The following PLEKHA6 variants were observed in gnomAD, a reference collection of about 807,000 sequenced individuals.
PLEKHA6 encodes pleckstrin homology domain containing A6.
In PLEKHA6, 60 loss-of-function variants were observed where a neutral mutation model predicts 116.7. The ratio of observed to expected loss-of-function variants is 0.51; its 90% CI spans 0.42 to 0.64. The LOEUF is 0.64. PLEKHA6 is among the 30% of genes least tolerant of loss of function. PLEKHA6 has a pLI of 0.00. For synonymous variants in PLEKHA6, 489 were observed against 556.1 expected (o/e 0.88, Z 1.70); for missense variants, 1,338 against 1,422.7 (o/e 0.94, Z 0.96).
chr1:204,371,778 C>T (rs1013348371), intron 1 of PLEKHA6, among the ~76,000 whole-genome samples: 4 of 152,224 alleles, frequency 2.6e-5, no homozygotes, highest in Non-Finnish European at 5.9e-5. Context: ...ACTAAGCACA[C>T]TCTGAGGATT....
At chr1:204,296,048 GC>G (rs141730861) in intron 1 of PLEKHA6, among the ~76,000 whole-genome samples, 2,377 of 152,302 alleles carry the variant, frequency 0.016, 20 homozygotes, top group Middle Eastern at 0.041. Context: ...CCAAGGAAGG[GC>G]ATATGTGTCA....
chr1:204,363,149 C>A (rs1169373292), upstream of PLEKHA6, among the ~76,000 whole-genome samples: 1 of 152,230 alleles, frequency 6.6e-6, no homozygotes, highest in Admixed American at 6.5e-5. Flanking sequence ...CCCCGCCCCT[C>A]CCAGGGCCCC....
intron 1 of PLEKHA6, among the ~76,000 whole-genome samples, chr1:204,340,206 A>AG (rs902479838): frequency 6.6e-6 from 1 of 152,140 alleles, no homozygotes; most frequent in African/African-American, 2.4e-5. Context: ...AGTGAGTGGG[A>AG]GGGGGGTGTG....
chr1:204,281,573 G>A (rs1343421473), intron 1 of PLEKHA6, among the ~76,000 whole-genome samples: 1 of 151,924 alleles, frequency 6.6e-6, no homozygotes, highest in South Asian at 2.1e-4. Flanking sequence ...AAAAACAACA[G>A]AGCAAGACCC....
At position 204,274,753 on chromosome 1, in the gene PLEKHA6, T is replaced by C; in HGVS notation, c.-38A>G. The C allele has an allele frequency of 1.0e-6, 1 of 985,920 alleles. No homozygotes were observed. Among genetic ancestry groups the C allele is most frequent in the Non-Finnish European group, 1.2e-6 (1 of 829,976 alleles). 61.1% of individuals were successfully genotyped at this position (985,920 alleles called of 1,614,324 possible). A position where few individuals can be genotyped will look rare whatever the true frequency, so the allele number is the denominator to read the frequency against. ...CATTTTCAAGTCAAATTTTTTGTTT[T>C]CCTCTGGGACCTGGCCAGTCACTGG... On this transcript the variant is annotated 5_prime_UTR_variant, in exon 2 of 23. Coordinates refer to ENST00000272203, the MANE Select transcript of PLEKHA6 (RefSeq NM_014935.5).
chr1:204,289,295 G>C (rs1669509654), intron 1 of PLEKHA6, among the ~76,000 whole-genome samples: 1 of 152,122 alleles, frequency 6.6e-6, no homozygotes, highest in African/African-American at 2.4e-5. Flanking sequence ...GGGATATACA[G>C]AGAATACAAG....
intron 1 of PLEKHA6, among the ~76,000 whole-genome samples, chr1:204,335,300 G>T (rs1282602815): frequency 6.6e-6 from 1 of 152,066 alleles, no homozygotes; most frequent in African/African-American, 2.4e-5. Context: ...AGCTGGGCAG[G>T]GGGGTGTTTA....
At chr1:204,335,419 G>A (rs1387712055) in intron 1 of PLEKHA6, among the ~76,000 whole-genome samples, 1 of 152,072 alleles carries the variant, frequency 6.6e-6, no homozygotes, top group African/African-American at 2.4e-5. Context: ...GAAAGGCCCT[G>A]GAGAAGGCCC....
At chr1:204,288,352 C>A (rs767978548) in intron 1 of PLEKHA6, among the ~76,000 whole-genome samples, 34 of 152,358 alleles carry the variant, frequency 2.2e-4, no homozygotes, top group Middle Eastern at 3.4e-3. Flanking sequence ...TTGATGCCAT[C>A]CACCTGAGTA....
At chr1:204,318,101 T>C (rs1671926883) in intron 1 of PLEKHA6, among the ~76,000 whole-genome samples, 3 of 152,174 alleles carry the variant, frequency 2.0e-5, no homozygotes, top group Admixed American at 1.3e-4. Flanking sequence ...GGGAAAAAAC[T>C]GAAAGTCACT....
intron 1 of PLEKHA6, among the ~76,000 whole-genome samples, chr1:204,351,187 G>C (rs1002583886): frequency 6.6e-6 from 1 of 152,316 alleles, no homozygotes; most frequent in Non-Finnish European, 1.5e-5. Context: ...GCCCAGGCAG[G>C]GGGAGTGGGG....
intron 12 of PLEKHA6, 149 bp from the exon 13 acceptor site, chr1:204,247,609 G>A (rs1017398663): frequency 9.6e-5 from 55 of 572,392 alleles, no homozygotes; most frequent in Non-Finnish European, 1.7e-4. Context: ...GCACCAGGCT[G>A]AGACATTCTG....
intron 1 of PLEKHA6, chr1:204,307,211 T>C (rs1671401809): frequency 6.6e-6 from 1 of 152,184 alleles, no homozygotes; most frequent in Admixed American, 6.5e-5. Context: ...CACTCATTCA[T>C]ATCTGCCTTA....
rs141394196 is a variant in PLEKHA6, at chr1:204,273,460, C to G, written c.102+166G>C. On this transcript the variant is annotated intron_variant, in intron 3 of 22. Transcript: ENST00000272203. ...CTTCTACGAGGTTCTGATCTGAGCC[C>G]TCTTCCCTTCCTACTCTCCACTCTC... 5.7e-4 allele frequency among the ~76,000 whole-genome samples: 87 copies of G among 152,296 alleles called. 1 individual carries two copies. The highest frequency in any genetic ancestry group is 2.0e-3 in the African/African-American group (84 of 41,556).
intron 1 of PLEKHA6, among the ~76,000 whole-genome samples, chr1:204,347,429 A>G (rs1239143017): frequency 6.6e-6 from 1 of 151,632 alleles, no homozygotes; most frequent in Non-Finnish European, 1.5e-5. Flanking sequence ...AGGTGCCCAG[A>G]TTTCATATTG....
intron 1 of PLEKHA6, among the ~76,000 whole-genome samples, chr1:204,334,479 T>C (rs577834434): frequency 6.6e-6 from 1 of 152,350 alleles, no homozygotes; most frequent in East Asian, 1.9e-4. Flanking sequence ...AATGATTGCA[T>C]CTATTTATGG....
At chr1:204,312,125 C>T (rs1188860358) in intron 1 of PLEKHA6, among the ~76,000 whole-genome samples, 1 of 152,210 alleles carries the variant, frequency 6.6e-6, no homozygotes, top group Non-Finnish European at 1.5e-5. Flanking sequence ...CAGCATCACA[C>T]AACTAGTCAG....
chr1:204,357,926 T>C (rs1558200454), intron 1 of PLEKHA6, among the ~76,000 whole-genome samples: 1 of 152,184 alleles, frequency 6.6e-6, no homozygotes. Flanking sequence ...GAGGGATCAG[T>C]AATTATTTCA....
At chr1:204,349,163 G>A (rs1187024885) in intron 1 of PLEKHA6, among the ~76,000 whole-genome samples, 1 of 152,172 alleles carries the variant, frequency 6.6e-6, no homozygotes. Flanking sequence ...CCTGGCTCCA[G>A]GCCCTCAATT....
Sources: allele counts gnomAD v4.1 joint callset (sites outside exome capture counted in the v4.1 genomes callset), GRCh38; gene constraint gnomAD v4.1.1; transcripts MANE v1.5; gene names NCBI Gene and HGNC (gene_info 2026-07-23, HGNC 2026-07-21).